Variants in ARHGAP32 observed in about 807,000 individuals in gnomAD.
ARHGAP32 encodes the protein rho GTPase-activating protein 32.
A neutral mutation model predicts 186.5 loss-of-function variants in ARHGAP32; 51 were observed. That is an observed-to-expected ratio of 0.27 (90% CI 0.22 to 0.35). The LOEUF (loss-of-function observed/expected upper bound fraction) is 0.35, where lower values mean the gene tolerates loss of function less well. Ranked by LOEUF, ARHGAP32 falls within the 10% of genes least tolerant of loss-of-function variation. The pLI is 1.00. For synonymous variants in ARHGAP32, 950 were observed against 964.3 expected (o/e 0.99, Z 0.27); for missense variants, 2,186 against 2,623.5 (o/e 0.83, Z 3.64).
intron 5 of ARHGAP32, among the ~76,000 whole-genome samples, chr11:129,106,916 T>G (rs912890119): frequency 6.6e-6 from 1 of 152,202 alleles, no homozygotes; most frequent in Non-Finnish European, 1.5e-5. Context: ...CAAATATTAT[T>G]TTTTAAAATA....
intron 1 of ARHGAP32, among the ~76,000 whole-genome samples, chr11:129,234,255 T>C (rs937614848): frequency 6.6e-6 from 1 of 152,136 alleles, no homozygotes; most frequent in East Asian, 1.9e-4. Context: ...CATTTCAAAA[T>C]ACCCACAGTT....
intron 5 of ARHGAP32, among the ~76,000 whole-genome samples, chr11:129,121,130 C>T (rs1034523951): frequency 1.3e-5 from 2 of 151,700 alleles, no homozygotes; most frequent in East Asian, 1.9e-4. Context: ...TTTATTTTAA[C>T]TGCCTGTAGC....
intron 2 of ARHGAP32, among the ~76,000 whole-genome samples, chr11:129,155,194 C>T (rs897562827): frequency 6.6e-6 from 1 of 152,158 alleles, no homozygotes; most frequent in East Asian, 1.9e-4. Flanking sequence ...CCCATCAATC[C>T]CCACTGCTAC....
chr11:129,047,184 C>T (rs554233031), intron 10 of ARHGAP32, among the ~76,000 whole-genome samples: 5 of 152,024 alleles, frequency 3.3e-5, no homozygotes, highest in Middle Eastern at 3.4e-3. Context: ...TTATGGCTAG[C>T]GAATCTTTAG....
chr11:129,266,309 C>A (rs1185615600), intron 1 of ARHGAP32, among the ~76,000 whole-genome samples: 3 of 152,166 alleles, frequency 2.0e-5, no homozygotes, highest in Non-Finnish European at 2.9e-5. Context: ...ACACCTCTTA[C>A]TCTTTCAGGT....
chr11:129,024,182 A>C, intron 11 of ARHGAP32: 1 of 985,514 alleles, frequency 1.0e-6, no homozygotes, highest in Non-Finnish European at 1.2e-6. Flanking sequence ...CTCTCTCAGC[A>C]CATACTGCTT....
intron 5 of ARHGAP32, among the ~76,000 whole-genome samples, chr11:129,101,687 C>A (rs758948937): frequency 1.3e-5 from 2 of 152,036 alleles, no homozygotes; most frequent in Non-Finnish European, 2.9e-5. Flanking sequence ...ATAAAACCTC[C>A]AAGAAATATG....
At chr11:129,072,852 A>G (rs1940912965) in intron 6 of ARHGAP32, among the ~76,000 whole-genome samples, 1 of 152,114 alleles carries the variant, frequency 6.6e-6, no homozygotes, top group Non-Finnish European at 1.5e-5. Context: ...ACACCCAAAC[A>G]CTATGTTTTC....
intron 6 of ARHGAP32, among the ~76,000 whole-genome samples, chr11:129,084,302 C>A (rs1009368431): frequency 7.5e-5 from 11 of 147,094 alleles, no homozygotes; most frequent in Non-Finnish European, 1.5e-4. Context: ...GGGAGGCCAA[C>A]ATTTTCCTAA....
At chr11:129,150,579 A>T (rs1943266883) in intron 2 of ARHGAP32, among the ~76,000 whole-genome samples, 1 of 152,146 alleles carries the variant, frequency 6.6e-6, no homozygotes, top group African/African-American at 2.4e-5. Flanking sequence ...CCTTAAACAA[A>T]ATATTTGTCA....
intron 1 of ARHGAP32, among the ~76,000 whole-genome samples, chr11:129,262,607 A>G (rs560642293): frequency 6.6e-6 from 1 of 152,148 alleles, no homozygotes; most frequent in East Asian, 1.9e-4. Context: ...ATGTCGGCCA[A>G]GCTGGTCTCA....
At chr11:129,255,781 G>A (rs992054905) in intron 1 of ARHGAP32, among the ~76,000 whole-genome samples, 2 of 152,236 alleles carry the variant, frequency 1.3e-5, no homozygotes, top group Admixed American at 6.6e-5. Flanking sequence ...AAGTGCTGAT[G>A]AGAATGCAGA....
intron 11 of ARHGAP32, among the ~76,000 whole-genome samples, chr11:129,003,185 C>T (rs574352787): frequency 2.6e-5 from 4 of 152,232 alleles, no homozygotes; most frequent in South Asian, 4.1e-4. Context: ...TATGATGTAT[C>T]GCATGTATTG....
intron 2 of ARHGAP32, among the ~76,000 whole-genome samples, chr11:129,149,908 T>C (rs1471220411): frequency 2.0e-5 from 3 of 151,598 alleles, no homozygotes; most frequent in Non-Finnish European, 4.4e-5. Context: ...ATACAGGATA[T>C]AGATAGGAAA....
chr11:128,974,577 C>T lies in ARHGAP32; in HGVS notation c.2620G>A (p.Glu874Lys). The T allele has an allele frequency of 6.2e-7, 1 of 1,614,102 alleles. No individual in the cohort carries two copies. Among genetic ancestry groups the T allele is most frequent in the Non-Finnish European group, 8.5e-7 (1 of 1,179,990 alleles). Residue 874 changes from glutamate (E) to lysine (K), a missense_variant, in exon 21 of 23, where the codon GAG (glutamate) becomes AAG (lysine). By Grantham distance (56) the Glu-to-Lys change is moderately conservative. Around this residue, in one of 5 missense-constraint regions of ARHGAP32, gnomAD observed 1,502 missense variants for 1,570.0 expected, o/e 0.96. Transcript: ENST00000682385. ...AGGGTAAAGAATGGACTCAGTTTCT[C>T]CTGAAGAGGAGAGACAGGTTCAGAG... is the stretch of plus-strand genomic sequence containing the variant. Reference protein sequence around the residue: ...ASSEPVSPLQEKLSPFFTLDL... With the variant: ...ASSEPVSPLQKKLSPFFTLDL...
chr11:129,161,864 CTG>C (rs1349675074), intron 2 of ARHGAP32, among the ~76,000 whole-genome samples: 1 of 152,198 alleles, frequency 6.6e-6, no homozygotes, highest in Non-Finnish European at 1.5e-5. Context: ...TACTTCAACA[CTG>C]TTCACAACAG....
chr11:128,972,218 G>A, intron 22 of ARHGAP32: 2 of 303,672 alleles, frequency 6.6e-6, no homozygotes, highest in East Asian at 5.4e-5. Flanking sequence ...AGGAAGAAAA[G>A]GGAGCAGGTA....
Position 129,186,860 on chromosome 11 carries a change from A to G in ARHGAP32, c.116+5223T>C, listed in dbSNP as rs373296705. 4.3e-4 allele frequency among the ~76,000 whole-genome samples: 66 copies of G among 152,306 alleles called. No homozygotes were observed. In the Middle Eastern group the frequency reaches 0.017, roughly 39 times the overall value. The stretch of plus-strand genomic sequence containing the variant: ...ATGGCTTATATCCAAAAGAAAGGCA[A>G]TAACAAATGCCGGCAACAATGTGGA... On this transcript the variant is annotated intron_variant, in intron 1 of 22. Transcript: ENST00000682385.
intron 1 of ARHGAP32, among the ~76,000 whole-genome samples, 167 bp from the exon 2 acceptor site, chr11:129,164,594 G>T (rs1943594935): frequency 6.6e-6 from 1 of 152,040 alleles, no homozygotes; most frequent in South Asian, 2.1e-4. Context: ...GCTTTCAGAG[G>T]TCTCTCCTAA....
Sources: gnomAD v4.1 joint callset for allele counts (sites outside exome capture counted in the v4.1 genomes callset) on GRCh38, gnomAD v4.1.1 for gene constraint, gnomAD v4.1.1 regional missense constraint, MANE v1.5 for transcripts, NCBI Gene and HGNC (gene_info 2026-07-23, HGNC 2026-07-21) for gene names.